GTF3C5: variants seen among roughly 807,000 people sequenced by gnomAD.
GTF3C5 encodes the protein general transcription factor 3C polypeptide 5.
In GTF3C5, 47 loss-of-function variants were observed where a neutral mutation model predicts 61.0. The observed-to-expected ratio is 0.77, with a 90% CI of 0.61 to 0.98. The LOEUF (loss-of-function observed/expected upper bound fraction) is 0.98, where lower values mean the gene tolerates loss of function less well. Ranked by LOEUF, GTF3C5 falls within the 50% of genes least tolerant of loss-of-function variation. The pLI is 0.00. For missense variants in GTF3C5, 659 were observed against 703.3 expected, an observed-to-expected ratio of 0.94 and a Z score of 0.71; for synonymous variants, 295 against 275.4, an observed-to-expected ratio of 1.07 and a Z score of -0.71.
chr9:133,033,810 C>T (rs566037812), intron 1 of GTF3C5, among the ~76,000 whole-genome samples: 10 of 152,282 alleles, frequency 6.6e-5, no homozygotes, highest in African/African-American at 1.4e-4. Context: ...TCCATCCAGG[C>T]GTTTGCATCT....
At chr9:133,042,385 A>T (rs774180351) in intron 2 of GTF3C5, 79 bp downstream of exon 2, 19 of 952,900 alleles carry the variant, frequency 2.0e-5, no homozygotes, top group Non-Finnish European at 3.0e-5. Context: ...TGTGTGGGTC[A>T]TCTGCACCAG....
chr9:133,056,395 C>T (rs1027705805), intron 9 of GTF3C5, among the ~76,000 whole-genome samples: 2 of 152,186 alleles, frequency 1.3e-5, no homozygotes, highest in African/African-American at 2.4e-5. Flanking sequence ...CCCATCAGAT[C>T]CCAGAAACCT....
intron 1 of GTF3C5, among the ~76,000 whole-genome samples, chr9:133,033,043 G>C (rs1849771750): frequency 6.6e-6 from 1 of 152,160 alleles, no homozygotes; most frequent in Admixed American, 6.5e-5. Flanking sequence ...TAGTTGTTCA[G>C]CTGTTCCTTT....
At chr9:133,056,134 G>T (rs369309090) in intron 9 of GTF3C5, 40 bp downstream of exon 9, 171 of 1,555,984 alleles carry the variant, frequency 1.1e-4, no homozygotes, top group Non-Finnish European at 1.5e-4. Context: ...AGGGGGGCCC[G>T]TGGGACCCAG....
Position 133,031,058 on chromosome 9 carries a change from T to G in GTF3C5, c.47T>G (p.Val16Gly). 1 of 1,612,044 alleles carries G rather than the reference T, an allele frequency of 6.2e-7. No individual in the cohort carries two copies. Among genetic ancestry groups the G allele is most frequent in the East Asian group, 2.2e-5 (1 of 44,850 alleles). The stretch of plus-strand genomic sequence containing the variant: ...TTGGGGCTGGGGGCCGCCGTCCCCG[T>G]GGAGCTGAGGCGGGAGCGACGCATG... Reference protein sequence around the residue: ...ADLGLGAAVPVELRRERRMVC... With the variant: ...ADLGLGAAVPGELRRERRMVC... Residue 16 changes from valine (V) to glycine (G), a missense_variant, in exon 1 of 11, where the codon GTG (valine) becomes GGG (glycine). Val to Gly is a moderately radical substitution (Grantham distance 109). Transcript: ENST00000372097.
At chr9:133,038,381 A>G (rs1849938676) in intron 1 of GTF3C5, among the ~76,000 whole-genome samples, 1 of 151,194 alleles carries the variant, frequency 6.6e-6, no homozygotes, top group South Asian at 2.1e-4. Flanking sequence ...GGTATCTGTA[A>G]TTGCCAGGAA....
At chr9:133,049,392 CTT>C (rs1264112532) in intron 3 of GTF3C5, among the ~76,000 whole-genome samples, 5 of 152,238 alleles carry the variant, frequency 3.3e-5, no homozygotes, top group Admixed American at 3.3e-4. Context: ...TCGATCCCGT[CTT>C]TCTAGTTTTG....
At chr9:133,056,405 T>G (rs1386842069) in intron 9 of GTF3C5, among the ~76,000 whole-genome samples, 1 of 152,210 alleles carries the variant, frequency 6.6e-6, no homozygotes. Context: ...CCCAGAAACC[T>G]TTTATCGACT....
At chr9:133,033,566 G>A (rs939909036) in intron 1 of GTF3C5, among the ~76,000 whole-genome samples, 2 of 152,204 alleles carry the variant, frequency 1.3e-5, no homozygotes, top group African/African-American at 4.8e-5. Flanking sequence ...AAGCTGGATA[G>A]CCCTCAGGGG....
At position 133,055,206 on chromosome 9, in the gene GTF3C5, C is replaced by T. The variant is rs1349930107; in HGVS notation, c.1167+397C>T. The T allele has an allele frequency of 2.0e-6, 3 of 1,524,646 alleles. No homozygotes were observed. In the East Asian group the frequency reaches 7.5e-5, roughly 38 times the overall value. 94.4% of individuals were successfully genotyped at this position (1,524,646 alleles called of 1,614,324 possible). A position where few individuals can be genotyped will look rare whatever the true frequency, so the allele number is the denominator to read the frequency against. On this transcript the variant is annotated intron_variant, in intron 8 of 10. Coordinates refer to ENST00000372097, the MANE Select transcript of GTF3C5 (RefSeq NM_012087.4). ...GGCTGCAGCTGTGGCAGGAGCCTCA[C>T]TGGCTCACGTTTCCGTCAGTGCGGT... is the stretch of plus-strand genomic sequence containing the variant.
At chr9:133,055,854 C>G (rs1300076890) in intron 8 of GTF3C5, 158 bp from the exon 9 acceptor site, 20 of 1,424,330 alleles carry the variant, frequency 1.4e-5, no homozygotes, top group Non-Finnish European at 1.8e-5. Context: ...GTTTTTTCCC[C>G]AACTCCTCCG....
chr9:133,053,975 TTCTC>T (rs538571582), intron 6 of GTF3C5, 33 bp downstream of exon 6: 1 of 1,232,218 alleles, frequency 8.1e-7, no homozygotes, highest in South Asian at 1.2e-5. Context: ...CTTCCTGCCT[TTCTC>T]TCTCTTTATC....
Position 133,053,940 on chromosome 9 carries a change from A to G in GTF3C5, c.986A>G (p.His329Arg), listed in dbSNP as rs1174518684. 1 of 1,590,994 alleles carries G rather than the reference A, an allele frequency of 6.3e-7. No homozygotes were observed. ...TTCCGAATCCGTTGTGGAATGAAAC[A>G]CGGTAAAAATTCCTGAAAGCTTTGC... ...LDFRIRCGMK[H>R]GYAPSDLPVK... Residue 329 changes from histidine to arginine, a missense_variant and splice_region_variant, in exon 6 of 11, where the codon CAC (histidine) becomes CGC (arginine). His to Arg is a conservative substitution (Grantham distance 29). Transcript: ENST00000372097.
intron 1 of GTF3C5, among the ~76,000 whole-genome samples, chr9:133,031,542 G>C (rs1327878444): frequency 6.6e-6 from 1 of 152,108 alleles, no homozygotes; most frequent in Non-Finnish European, 1.5e-5. Context: ...AGTAGAGAGG[G>C]GGTTTCACCA....
At chr9:133,035,711 A>C (rs1311770487) in intron 1 of GTF3C5, among the ~76,000 whole-genome samples, 1 of 152,168 alleles carries the variant, frequency 6.6e-6, no homozygotes, top group Non-Finnish European at 1.5e-5. Context: ...GTTTTGAGGA[A>C]ATGGCAGCTT....
chr9:133,032,463 G>A (rs1182502822), intron 1 of GTF3C5, among the ~76,000 whole-genome samples: 1 of 152,160 alleles, frequency 6.6e-6, no homozygotes, highest in Admixed American at 6.5e-5. Context: ...AAGGAAGTTA[G>A]ACTTTGAAGA....
chr9:133,031,748 C>T (rs760260157), intron 1 of GTF3C5, among the ~76,000 whole-genome samples: 10 of 152,194 alleles, frequency 6.6e-5, no homozygotes, highest in Non-Finnish European at 1.5e-4. Context: ...ACTGCTGTGT[C>T]TTTCCCATAT....
At chr9:133,057,282 C>T (rs1328081995) in intron 10 of GTF3C5, among the ~76,000 whole-genome samples, 1 of 152,224 alleles carries the variant, frequency 6.6e-6, no homozygotes, top group Non-Finnish European at 1.5e-5. Flanking sequence ...TGTGGCCCAG[C>T]CCCTTCCTGG....
chr9:133,056,122 T>C (rs771401124), intron 9 of GTF3C5, 28 bp downstream of exon 9: 3 of 1,593,024 alleles, frequency 1.9e-6, no homozygotes, highest in Admixed American at 1.7e-5. Context: ...CCTGAGACAC[T>C]GAGGGGGGCC....
Sources: gnomAD v4.1 joint callset for allele counts (sites outside exome capture counted in the v4.1 genomes callset) on GRCh38, gnomAD v4.1.1 for gene constraint, MANE v1.5 for transcripts, NCBI Gene and HGNC (gene_info 2026-07-23, HGNC 2026-07-21) for gene names.